The following PCDHGA3 variants were observed in gnomAD, a reference collection of about 807,000 sequenced individuals.
The protein encoded by PCDHGA3 is protocadherin gamma-A3.
A neutral mutation model predicts 58.5 loss-of-function variants in PCDHGA3; 40 were observed. The observed-to-expected ratio is 0.68, with a 90% CI of 0.53 to 0.89. PCDHGA3 has a LOEUF of 0.89. Among genes scored for constraint, PCDHGA3 ranks in the 40% least tolerant of loss-of-function variants. The pLI is 0.00. For synonymous variants in PCDHGA3, 530 were observed against 525.7 expected (o/e 1.01, Z -0.11); for missense variants, 1,223 against 1,195.9 (o/e 1.02, Z -0.33).
Position 141,346,617 on chromosome 5 carries a change from G to C in PCDHGA3, c.2424+160G>C, listed in dbSNP as rs559786275. The C allele has an allele frequency of 5.6e-6, 6 of 1,075,600 alleles. No homozygotes were observed. In the African/African-American group the frequency reaches 9.6e-5, roughly 17 times the overall value. The allele number at this position is 1,075,600 out of a possible 1,614,324, so 66.6% of individuals were successfully genotyped here. A position where few individuals can be genotyped will look rare whatever the true frequency, so the allele number is the denominator to read the frequency against. On this transcript the variant is annotated intron_variant, in intron 1 of 3. Transcript: ENST00000253812. ...TTCTTTCTGGGCCTATAGTAGGACT[G>C]CACTCCCCGGTCTGGTTATGGTTGA...
rs903741318 is a variant in PCDHGA3, at chr5:141,454,939, C to G, written c.2425-39868C>G. On this transcript the variant is annotated intron_variant, in intron 1 of 3. Coordinates refer to ENST00000253812, the MANE Select transcript of PCDHGA3 (RefSeq NM_018916.4). ...TCTCCTGCCTCAGCCTCCCGAGTAG[C>G]TGGGACTACAGGCGCCGGCCACCAC... 6.0e-5 allele frequency among the ~76,000 whole-genome samples: 9 copies of G among 150,982 alleles called. No homozygotes were observed. The East Asian group carries it at 1.8e-3, about 30-fold the overall frequency.
At chr5:141,402,221 G>T (rs567791316) in intron 1 of PCDHGA3, among the ~76,000 whole-genome samples, 1 of 151,824 alleles carries the variant, frequency 6.6e-6, no homozygotes, top group East Asian at 1.9e-4. Flanking sequence ...TAAAATAAAC[G>T]TTTTTCCAGG....
In PCDHGA3 at chr5:141,360,351, G is replaced by A. The variant is rs188525608; in HGVS notation, c.2424+13894G>A. 7 of 1,613,876 alleles carry A rather than the reference G, an allele frequency of 4.3e-6. No individual in the cohort carries two copies. In the East Asian group the frequency reaches 1.6e-4, roughly 36 times the overall value. Reference sequence around the variant, plus strand: ...GGAAGCTGCGGGTTAGCGCGGAGAAGGAATATTTCACAGTAAACCCAGAAA... The same window carrying A: ...GGAAGCTGCGGGTTAGCGCGGAGAAAGAATATTTCACAGTAAACCCAGAAA... On this transcript the variant is annotated intron_variant, in intron 1 of 3. Transcript: ENST00000253812.
intron 1 of PCDHGA3, among the ~76,000 whole-genome samples, chr5:141,348,444 A>G (rs1758120382): frequency 6.6e-6 from 1 of 152,166 alleles, no homozygotes; most frequent in Admixed American, 6.5e-5. Context: ...CATTTTTAGA[A>G]AAAAAAATGT....
chr5:141,397,805 A>G (rs1015155491), intron 1 of PCDHGA3, among the ~76,000 whole-genome samples: 1 of 152,236 alleles, frequency 6.6e-6, no homozygotes, highest in African/African-American at 2.4e-5. Flanking sequence ...TAAGTTAGGC[A>G]CACAAAAACA....
intron 1 of PCDHGA3, among the ~76,000 whole-genome samples, chr5:141,465,687 T>C (rs1290838979): frequency 1.3e-5 from 2 of 152,248 alleles, no homozygotes; most frequent in Non-Finnish European, 2.9e-5. Flanking sequence ...TTGACCAGTC[T>C]GCTTTTGCAT....
chr5:141,419,566 C>T (rs765992004), intron 1 of PCDHGA3: 4 of 1,611,790 alleles, frequency 2.5e-6, no homozygotes, highest in East Asian at 2.2e-5. Flanking sequence ...CGCTGGGTCC[C>T]GACGGCTCCG....
chr5:141,417,236 A>T (rs1387216221), intron 1 of PCDHGA3: 2 of 152,220 alleles, frequency 1.3e-5, no homozygotes, highest in Admixed American at 1.3e-4. Flanking sequence ...TTTGTTGCTT[A>T]TCTTCAGTAC....
intron 1 of PCDHGA3, chr5:141,413,647 C>T (rs1371772412): frequency 1.2e-6 from 2 of 1,613,880 alleles, no homozygotes; most frequent in Non-Finnish European, 1.7e-6. Context: ...GCGTTTTCCT[C>T]TCCCGGAAGC....
chr5:141,345,772 G>C lies in PCDHGA3; in HGVS notation c.1739G>C (p.Arg580Pro). Residue 580 changes from arginine to proline, a missense_variant, in exon 1 of 4, where the codon CGC (arginine) becomes CCC (proline). By Grantham distance (103) the Arg-to-Pro change is moderately radical (BLOSUM62 -2). This residue lies in a region of PCDHGA3 where 107 missense variants were observed against 159.8 expected (regional missense o/e 0.67). Coordinates refer to ENST00000253812, the MANE Select transcript of PCDHGA3 (RefSeq NM_018916.4). ...TCCACTGGCGTGGAGCTGGCGCCTCGCTCCGCAGAGCCCGGCTACCTGGTG... is the reference window on the plus strand; with the variant it reads ...TCCACTGGCGTGGAGCTGGCGCCTCCCTCCGCAGAGCCCGGCTACCTGGTG... ...DGSTGVELAP[R>P]SAEPGYLVTK... The C allele has an allele frequency of 6.2e-7, 1 of 1,614,084 alleles. No homozygotes were observed.
intron 1 of PCDHGA3, chr5:141,419,742 T>C (rs1388509503): frequency 2.5e-5 from 41 of 1,613,742 alleles, no homozygotes; most frequent in Non-Finnish European, 3.5e-5. Context: ...GAGGTGCGCA[T>C]GGTGCGTGCT....
intron 1 of PCDHGA3, chr5:141,424,504 G>GT (rs892941709): frequency 6.6e-6 from 1 of 152,016 alleles, no homozygotes; most frequent in African/African-American, 2.4e-5. Context: ...TGTATGGAAG[G>GT]TTTTTTAATG....
chr5:141,486,089 G>T lies in PCDHGA3; in HGVS notation c.2425-8718G>T, dbSNP rs2099624123. On this transcript the variant is annotated intron_variant, in intron 1 of 3. Coordinates refer to ENST00000253812, the MANE Select transcript of PCDHGA3 (RefSeq NM_018916.4). The surrounding 1 kb of genome is among the most constrained non-coding windows in gnomAD (Gnocchi z 5.0). ...CACTACTGGAAAGCTTACTCTTTTG[G>T]GGCCCCTAGACTTTGAGAGTGAGAA... is the stretch of plus-strand genomic sequence containing the variant. 1 of 1,614,084 alleles carries T rather than the reference G, an allele frequency of 6.2e-7. No individual in the cohort carries two copies. The highest frequency in any genetic ancestry group is 8.5e-7 in the Non-Finnish European group (1 of 1,180,014).
intron 1 of PCDHGA3, chr5:141,417,858 C>T (rs561149517): frequency 6.5e-7 from 1 of 1,547,240 alleles, no homozygotes. Flanking sequence ...CCCGAGCGAA[C>T]GATGGGAGGG....
chr5:141,394,406 G>A (rs1359061127), intron 1 of PCDHGA3: 1 of 1,614,180 alleles, frequency 6.2e-7, no homozygotes, highest in South Asian at 1.1e-5. Flanking sequence ...TGCAGCTACT[G>A]GTAACAGCCA....
intron 1 of PCDHGA3, chr5:141,374,029 A>T (rs1460112886): frequency 7.0e-7 from 1 of 1,428,780 alleles, no homozygotes; most frequent in Non-Finnish European, 9.2e-7. Flanking sequence ...AGCAAAAGTG[A>T]TGCAGATCTG....
At position 141,431,590 on chromosome 5, in the gene PCDHGA3, G is replaced by A; in HGVS notation, c.2425-63217G>A. On this transcript the variant is annotated intron_variant, in intron 1 of 3. Transcript: ENST00000253812. The surrounding 1 kb of genome is among the most constrained non-coding windows in gnomAD (Gnocchi z 4.8). ...CTGACGAAGGAGTCAATGCGGAAGT[G>A]AGGTATTCCTTCCGGTATGTGGACG... 1.2e-6 allele frequency: 2 copies of A among 1,614,240 alleles called. No homozygotes were observed. Among genetic ancestry groups the A allele is most frequent in the South Asian group, 1.1e-5 (1 of 91,090 alleles).
chr5:141,467,952 C>A (rs1341210155), intron 1 of PCDHGA3, among the ~76,000 whole-genome samples: 1 of 152,186 alleles, frequency 6.6e-6, no homozygotes, highest in Non-Finnish European at 1.5e-5. Flanking sequence ...AGCCACCACA[C>A]CCGGCTGCCA....
chr5:141,376,574 G>A, intron 1 of PCDHGA3: 12 of 1,598,206 alleles, frequency 7.5e-6, no homozygotes, highest in Non-Finnish European at 1.0e-5. Context: ...AATCAGACAG[G>A]CTCATCAGCT....
Sources: allele counts gnomAD v4.1 joint callset (sites outside exome capture counted in the v4.1 genomes callset), GRCh38; gene constraint gnomAD v4.1.1; regional missense constraint gnomAD v4.1.1; non-coding constraint Gnocchi (gnomAD v3.1); transcripts MANE v1.5; gene names NCBI Gene and HGNC (gene_info 2026-07-23, HGNC 2026-07-21).